The following WDPCP variants were observed in gnomAD, a reference collection of about 807,000 sequenced individuals.
WDPCP encodes WD repeat containing planar cell polarity effector, also known as WD repeat-containing and planar cell polarity effector protein fritz homolog.
Under a neutral mutation model 93.1 loss-of-function variants are expected in WDPCP, and 71 were observed. The ratio of observed to expected loss-of-function variants is 0.76; its 90% CI spans 0.63 to 0.93. WDPCP has a LOEUF of 0.93. Among genes scored for constraint, WDPCP ranks in the 40% least tolerant of loss-of-function variants. The pLI, the probability that WDPCP is intolerant of heterozygous loss-of-function variation, is 0.00. For missense variants in WDPCP, 844 were observed against 887.4 expected, an observed-to-expected ratio of 0.95 and a Z score of 0.62; for synonymous variants, 315 against 315.0, an observed-to-expected ratio of 1.00 and a Z score of 0.00.
chr2:63,295,687 A>G (rs1160297715), intron 13 of WDPCP, among the ~76,000 whole-genome samples: 1 of 151,990 alleles, frequency 6.6e-6, no homozygotes, highest in African/African-American at 2.4e-5. Context: ...TAATTCCTAT[A>G]CGTCCTCCCA....
chr2:63,531,448 C>CAGA (rs1232676897), intron 1 of WDPCP, among the ~76,000 whole-genome samples: 1 of 152,162 alleles, frequency 6.6e-6, no homozygotes, highest in Non-Finnish European at 1.5e-5. Context: ...GTAGGGCTGA[C>CAGA]AGACACCTCA....
At position 63,507,795 on chromosome 2, in the gene WDPCP, T is replaced by C. The variant is rs532448680; in HGVS notation, c.76-14855A>G. Among the ~76,000 whole-genome samples the C allele has an allele frequency of 6.6e-5, 10 of 151,962 alleles. No individual in the cohort carries two copies. In the South Asian group the frequency reaches 1.0e-3, roughly 16 times the overall value. On this transcript the variant is annotated intron_variant, in intron 1 of 17. Coordinates refer to ENST00000272321, the MANE Select transcript of WDPCP (RefSeq NM_015910.7). ...GAGAACTTCATGAAGCATACACAAG[T>C]ATAAATAGCCAAATTGGTCAAGTGG...
intron 12 of WDPCP, among the ~76,000 whole-genome samples, chr2:63,320,485 G>A (rs1044861717): frequency 3.9e-5 from 6 of 152,138 alleles, no homozygotes; most frequent in African/African-American, 7.2e-5. Context: ...ATAACATTTT[G>A]TGAGGGTTGT....
intron 2 of WDPCP, among the ~76,000 whole-genome samples, chr2:63,718,377 A>G (rs1669367960): frequency 6.6e-6 from 1 of 152,174 alleles, no homozygotes; most frequent in African/African-American, 2.4e-5. Flanking sequence ...CTTACCAACA[A>G]TGTATAAGTC....
intron 14 of WDPCP, among the ~76,000 whole-genome samples, chr2:63,249,715 G>A (rs1221107588): frequency 6.6e-6 from 1 of 152,158 alleles, no homozygotes; most frequent in Non-Finnish European, 1.5e-5. Flanking sequence ...AAGAGGCTGA[G>A]GGGAGAGGAA....
intron 9 of WDPCP, among the ~76,000 whole-genome samples, chr2:63,405,568 TGTGTG>T (rs1694507397): frequency 6.6e-6 from 1 of 150,790 alleles, no homozygotes; most frequent in Non-Finnish European, 1.5e-5. Flanking sequence ...TGTGTGTGTG[TGTGTG>T]TGTGTGTGTG....
chr2:63,755,884 T>C (rs1669960896), intron 2 of WDPCP, among the ~76,000 whole-genome samples: 1 of 152,228 alleles, frequency 6.6e-6, no homozygotes, highest in Non-Finnish European at 1.5e-5. Context: ...TATCCCTTCT[T>C]TAAGAATCTC....
intron 13 of WDPCP, among the ~76,000 whole-genome samples, chr2:63,261,999 T>G (rs979653892): frequency 2.6e-5 from 4 of 152,182 alleles, no homozygotes; most frequent in African/African-American, 9.6e-5. Context: ...AATCCAAGAA[T>G]AGCATGATAC....
chr2:63,260,913 T>G (rs1305795269), intron 13 of WDPCP, among the ~76,000 whole-genome samples: 1 of 152,242 alleles, frequency 6.6e-6, no homozygotes, highest in Non-Finnish European at 1.5e-5. Flanking sequence ...TAGCCTGCTT[T>G]TGATACAGTC....
chr2:63,647,702 TATCCTGGTTTTG>T (rs1444019424), intron 3 of WDPCP, among the ~76,000 whole-genome samples: 2 of 152,206 alleles, frequency 1.3e-5, no homozygotes, highest in Non-Finnish European at 2.9e-5. Context: ...TAAATGTCAA[TATCCTGGTTTTG>T]ATATTGTACT....
chr2:63,604,718 C>G, intron 3 of WDPCP: 1 of 1,613,912 alleles, frequency 6.2e-7, no homozygotes, highest in Non-Finnish European at 8.5e-7. Context: ...CTTGGTGTGA[C>G]TGCTAATGAT....
At position 63,171,169 on chromosome 2, in the gene WDPCP, A is replaced by G. The variant is rs1673360980; in HGVS notation, c.2078+3501T>C. Among the ~76,000 whole-genome samples, 5 of 152,318 alleles carry G rather than the reference A, an allele frequency of 3.3e-5. No individual in the cohort carries two copies. The South Asian group carries it at 1.0e-3, about 32-fold the overall frequency. On this transcript the variant is annotated intron_variant, in intron 15 of 17. Transcript: ENST00000272321. ...TTAGAAAGAAATTTAAGTACAACAC[A>G]TAAAAGACAATCAAAAAAAGAAAAA... is the stretch of plus-strand genomic sequence containing the variant.
intron 2 of WDPCP, among the ~76,000 whole-genome samples, chr2:63,753,983 G>A (rs920993231): frequency 2.6e-5 from 4 of 152,242 alleles, no homozygotes; most frequent in African/African-American, 9.6e-5. Context: ...GTAAGTGAAG[G>A]AGAGGAGCAC....
intron 3 of WDPCP, chr2:63,605,307 A>G (rs1709506919): frequency 6.2e-7 from 1 of 1,614,126 alleles, no homozygotes; most frequent in Non-Finnish European, 8.5e-7. Flanking sequence ...CGCTGCTGTC[A>G]TCAAGGCTCG....
At chr2:63,451,303 A>G (rs1002447688) in intron 6 of WDPCP, among the ~76,000 whole-genome samples, 1 of 152,126 alleles carries the variant, frequency 6.6e-6, no homozygotes, top group Non-Finnish European at 1.5e-5. Flanking sequence ...TCAGACAAAA[A>G]TAAAGAAAAA....
At position 63,362,273 on chromosome 2, in the gene WDPCP, T is replaced by C. The variant is rs984633168; in HGVS notation, c.1748+16113A>G. 6.0e-4 allele frequency among the ~76,000 whole-genome samples: 9 copies of C among 14,938 alleles called. No individual in the cohort carries two copies. In the East Asian group the frequency reaches 0.051, roughly 85 times the overall value. The allele number at this position is 14,938 out of a possible 152,430, so 9.8% of individuals were successfully genotyped here. A position where few individuals can be genotyped will look rare whatever the true frequency, so the allele number is the denominator to read the frequency against. ...GGTAGAATCCCTTTTTTTTTTTTTT[T>C]TGGTTGTGTGTGTGTGTGTGTGTGT... On this transcript the variant is annotated intron_variant, in intron 12 of 17. Transcript: ENST00000272321.
chr2:63,777,826 G>A (rs970153391), intron 2 of WDPCP, among the ~76,000 whole-genome samples: 1 of 152,152 alleles, frequency 6.6e-6, no homozygotes, highest in South Asian at 2.1e-4. Context: ...AGGGGTGATG[G>A]AGATGTTTAT....
intron 2 of WDPCP, among the ~76,000 whole-genome samples, chr2:63,492,326 G>A (rs1700932119): frequency 6.6e-6 from 1 of 151,788 alleles, no homozygotes; most frequent in Non-Finnish European, 1.5e-5. Flanking sequence ...GAAAAACAAA[G>A]AACATGAAAA....
intron 12 of WDPCP, among the ~76,000 whole-genome samples, chr2:63,333,778 T>C (rs11125965): frequency 0.8 from 121,922 of 152,210 alleles, 49,704 homozygotes; most frequent in East Asian, 0.96. Flanking sequence ...TGGGCACATG[T>C]CCTCAGGACC....
Sources: gnomAD v4.1 joint callset for allele counts (sites outside exome capture counted in the v4.1 genomes callset) on GRCh38, gnomAD v4.1.1 for gene constraint, MANE v1.5 for transcripts, NCBI Gene and HGNC (gene_info 2026-07-23, HGNC 2026-07-21) for gene names.